The following ME1 variants were observed in gnomAD, a reference collection of about 807,000 sequenced individuals.
ME1 encodes the protein malic enzyme 1.
Under a neutral mutation model 66.4 loss-of-function variants are expected in ME1, and 74 were observed. The observed-to-expected ratio is 1.11, with a 90% CI of 0.92 to 1.35. The LOEUF (loss-of-function observed/expected upper bound fraction) is 1.35. Among genes scored for constraint, ME1 ranks in the 40% most tolerant of loss-of-function variants. The pLI is 0.00. For missense variants in ME1, 750 were observed against 694.1 expected, an observed-to-expected ratio of 1.08 and a Z score of -0.90; for synonymous variants, 251 against 235.6, an observed-to-expected ratio of 1.07 and a Z score of -0.60.
chr6:83,301,316 C>CTT (rs1331223964), intron 6 of ME1, among the ~76,000 whole-genome samples: 3 of 103,584 alleles, frequency 2.9e-5, no homozygotes, highest in South Asian at 5.8e-4. Context: ...TTCTTTCTTT[C>CTT]TCTCTCTCTC....
chr6:83,276,006 G>A (rs917433077), intron 6 of ME1, among the ~76,000 whole-genome samples: 1 of 151,724 alleles, frequency 6.6e-6, no homozygotes, highest in Non-Finnish European at 1.5e-5. Context: ...TTCTGACCTC[G>A]TGATCTGCCC....
intron 13 of ME1, among the ~76,000 whole-genome samples, chr6:83,216,186 GAAC>G (rs1438496980): frequency 6.6e-6 from 1 of 152,106 alleles, no homozygotes; most frequent in East Asian, 1.9e-4. Context: ...ATATAGAAAA[GAAC>G]AACTTTAAAA....
intron 9 of ME1, among the ~76,000 whole-genome samples, chr6:83,234,772 G>T (rs1363387054): frequency 7.1e-5 from 4 of 56,462 alleles, no homozygotes; most frequent in Non-Finnish European, 1.6e-4. Flanking sequence ...CCCTGCACAG[G>T]TTTGTTTAAT....
At chr6:83,394,168 G>A (rs1232066015) in intron 3 of ME1, among the ~76,000 whole-genome samples, 1 of 151,494 alleles carries the variant, frequency 6.6e-6, no homozygotes, top group East Asian at 1.9e-4. Context: ...TTTCTTCAAT[G>A]AAAAAAAATT....
chr6:83,227,597 C>T, intron 10 of ME1, 120 bp from the exon 11 acceptor site: 4 of 768,954 alleles, frequency 5.2e-6, no homozygotes, highest in Non-Finnish European at 7.7e-6. Flanking sequence ...AAACAAAATG[C>T]TATATAAACT....
At chr6:83,243,267 T>A (rs560983883) in intron 7 of ME1, among the ~76,000 whole-genome samples, 1 of 145,954 alleles carries the variant, frequency 6.9e-6, no homozygotes, top group Non-Finnish European at 1.5e-5. Flanking sequence ...AGAGATACTG[T>A]CTCAAAATTA....
At position 83,211,017 on chromosome 6, in the gene ME1, A is replaced by G. The variant is rs1050405413; in HGVS notation, c.*907T>C. The G allele has an allele frequency of 4.6e-5, 7 of 152,264 alleles. No homozygotes were observed. Among genetic ancestry groups the G allele is most frequent in the Non-Finnish European group, 8.8e-5 (6 of 68,048 alleles). The allele number at this position is 152,264 out of a possible 1,614,324, so 9.4% of individuals were successfully genotyped here. On this transcript the variant is annotated 3_prime_UTR_variant, in exon 14 of 14. Coordinates refer to ENST00000369705, the MANE Select transcript of ME1 (RefSeq NM_002395.6). ...AGAGGCCATTCTGGCAGGTAACTCCAGTAGGAACCTAACTTGTTGTCTTAA... is the reference window on the plus strand; with the variant it reads ...AGAGGCCATTCTGGCAGGTAACTCCGGTAGGAACCTAACTTGTTGTCTTAA...
At chr6:83,332,705 T>TACATAG (rs1217150512) in intron 5 of ME1, among the ~76,000 whole-genome samples, 1 of 152,098 alleles carries the variant, frequency 6.6e-6, no homozygotes, top group Non-Finnish European at 1.5e-5. Flanking sequence ...AGTTAAGCTA[T>TACATAG]GGGTACATAG....
chr6:83,306,730 C>A (rs991284735), intron 6 of ME1, among the ~76,000 whole-genome samples: 1 of 151,994 alleles, frequency 6.6e-6, no homozygotes, highest in African/African-American at 2.4e-5. Context: ...CTTTCAACAG[C>A]AGTTATTTTA....
rs775517045 is a variant in ME1 at position 83,227,408 on chromosome 6, G to A, written c.1202C>T (p.Pro401Leu). 18 of 1,605,670 alleles carry A rather than the reference G, an allele frequency of 1.1e-5. No individual in the cohort carries two copies. Among genetic ancestry groups the A allele is most frequent in the African/African-American group, 2.7e-5 (2 of 74,760 alleles). Reference protein sequence around the residue: ...LKDMAAFNERPIIFALSNPTS... With the variant: ...LKDMAAFNERLIIFALSNPTS... ...TGGATTACTCAAAGCAAAAATAATA[G>A]GCCGTTCATTGAAGGCAGCCATATC... Residue 401 changes from proline to leucine, a missense_variant, in exon 11 of 14, where the codon CCT (proline) becomes CTT (leucine). Physicochemically the swap from Pro to Leu is moderately conservative, Grantham distance 98. Coordinates refer to ENST00000369705, the MANE Select transcript of ME1 (RefSeq NM_002395.6).
intron 5 of ME1, among the ~76,000 whole-genome samples, chr6:83,329,648 CAT>C (rs1312287396): frequency 6.6e-6 from 1 of 152,066 alleles, no homozygotes; most frequent in African/African-American, 2.4e-5. Context: ...TCTCAAGCAG[CAT>C]TCATTTATAT....
intron 2 of ME1, among the ~76,000 whole-genome samples, chr6:83,402,923 G>C (rs1250772458): frequency 6.6e-6 from 1 of 152,094 alleles, no homozygotes; most frequent in Non-Finnish European, 1.5e-5. Context: ...TTTCTTCCTT[G>C]TTTTGCTATT....
intron 6 of ME1, among the ~76,000 whole-genome samples, chr6:83,295,233 C>T (rs373114190): frequency 6.6e-5 from 10 of 152,256 alleles, no homozygotes; most frequent in African/African-American, 2.2e-4. Context: ...AAGGCTCAGC[C>T]CTCTAGAGAC....
At position 83,342,506 on chromosome 6, in the gene ME1, G is replaced by A. The variant is rs539758925; in HGVS notation, c.600+3667C>T. Among the ~76,000 whole-genome samples, 10 of 152,140 alleles carry A rather than the reference G, an allele frequency of 6.6e-5. No individual in the cohort carries two copies. The South Asian group carries it at 8.4e-4, about 13-fold the overall frequency. On this transcript the variant is annotated intron_variant, in intron 5 of 13. Transcript: ENST00000369705. ...CTGGCAAAATCTAGTTTCTTACACC[G>A]ATATTACCTAGGCTTTGCTTAGGCT...
At chr6:83,361,239 A>T (rs1464911494) in intron 3 of ME1, among the ~76,000 whole-genome samples, 1 of 152,182 alleles carries the variant, frequency 6.6e-6, no homozygotes, top group East Asian at 1.9e-4. Context: ...CCTCAGTAAA[A>T]TTTCTAGTGG....
At chr6:83,230,983 G>A (rs1176330177) in intron 9 of ME1, among the ~76,000 whole-genome samples, 1 of 151,984 alleles carries the variant, frequency 6.6e-6, no homozygotes, top group Non-Finnish European at 1.5e-5. Context: ...GAGAATCAGT[G>A]TACTAAATGA....
In ME1 at chr6:83,349,015, A is replaced by AAAAAAAAAAC. The variant is rs746037012; in HGVS notation, c.439-2682_439-2681insGTTTTTTTTT. 1.2e-3 allele frequency among the ~76,000 whole-genome samples: 149 copies of AAAAAAAAAAC among 124,022 alleles called. 19 individuals carry two copies. The highest frequency in any genetic ancestry group is 4.0e-3 in the African/African-American group (130 of 32,230). The allele number at this position is 124,022 out of a possible 152,430, so 81.4% of individuals were successfully genotyped here. A position where few individuals can be genotyped will look rare whatever the true frequency, so the allele number is the denominator to read the frequency against. ...AAAAAAAAAAAACAAAAAACAAAAAACAGTGCATTCTTTCTTATTTCTTCA... is the reference window on the plus strand; with the variant it reads ...AAAAAAAAAAAACAAAAAACAAAAAAAAAAAAAAACCAGTGCATTCTTTCTTATTTCTTCA... On this transcript the variant is annotated intron_variant, in intron 4 of 13. Transcript: ENST00000369705.
rs536473472 is a variant in ME1 at position 83,282,846 on chromosome 6, T to C, written c.705-29108A>G. 2.0e-5 allele frequency among the ~76,000 whole-genome samples: 3 copies of C among 152,176 alleles called. No homozygotes were observed. The South Asian group carries it at 6.2e-4, about 32-fold the overall frequency. On this transcript the variant is annotated intron_variant, in intron 6 of 13. Coordinates refer to ENST00000369705, the MANE Select transcript of ME1 (RefSeq NM_002395.6). ...GCAGCACTATTCACAATAGCAAAGA[T>C]ATGGAACCAACCCAAATGTCCATCA...
At chr6:83,212,424 C>A (rs913433647) in intron 13 of ME1, among the ~76,000 whole-genome samples, 7 of 152,098 alleles carry the variant, frequency 4.6e-5, no homozygotes, top group Non-Finnish European at 8.8e-5. Context: ...GAAATAAATA[C>A]CTAAATAGTC....
Sources: allele counts gnomAD v4.1 joint callset (sites outside exome capture counted in the v4.1 genomes callset), GRCh38; gene constraint gnomAD v4.1.1; transcripts MANE v1.5; gene names NCBI Gene and HGNC (gene_info 2026-07-23, HGNC 2026-07-21).